LIX1: variants seen among roughly 807,000 people sequenced by gnomAD.
LIX1 encodes protein limb expression 1 homolog.
In LIX1, 24 loss-of-function variants were observed where a neutral mutation model predicts 33.4. The ratio of observed to expected loss-of-function variants is 0.72; its 90% CI spans 0.52 to 1.01. LIX1 has a LOEUF of 1.01. LIX1 is among the 50% of genes least tolerant of loss of function. The probability of loss-of-function intolerance (pLI) is 0.00; values close to 1 mark genes in which losing one functional copy is unlikely to be tolerated. For missense variants in LIX1, 311 were observed against 339.2 expected, an observed-to-expected ratio of 0.92 and a Z score of 0.65; for synonymous variants, 124 against 124.0, an observed-to-expected ratio of 1.00 and a Z score of 0.00.
chr5:97,118,104 C>A (rs1331883269), intron 2 of LIX1, among the ~76,000 whole-genome samples: 2 of 152,110 alleles, frequency 1.3e-5, no homozygotes, highest in African/African-American at 4.8e-5. Context: ...TATAATGCCC[C>A]GATGAGTGAG....
At chr5:97,098,722 CA>C (rs1746520948) in intron 4 of LIX1, among the ~76,000 whole-genome samples, 1 of 151,982 alleles carries the variant, frequency 6.6e-6, no homozygotes, top group Admixed American at 6.6e-5. Context: ...TCTCTTAAAA[CA>C]AAACAAAAAA....
chr5:97,094,341 T>C lies in LIX1; in HGVS notation c.*407A>G, dbSNP rs1746230016. The C allele has an allele frequency of 1.2e-5, 2 of 168,656 alleles. No homozygotes were observed. The highest frequency in any genetic ancestry group is 5.6e-5 in the Admixed American group (1 of 17,772). 10.4% of individuals were successfully genotyped at this position (168,656 alleles called of 1,614,324 possible). A position where few individuals can be genotyped will look rare whatever the true frequency, so the allele number is the denominator to read the frequency against. ...ATTATTTATTTAATCCTAAGTATTT[T>C]TAAACACTGCTATCATGCTACTTCA... On this transcript the variant is annotated 3_prime_UTR_variant, in exon 6 of 6. Coordinates refer to ENST00000274382, the MANE Select transcript of LIX1 (RefSeq NM_153234.5).
Position 97,124,617 on chromosome 5 carries a change from G to A in LIX1, c.95C>T (p.Ser32Leu). Reference sequence around the variant, plus strand: ...GCTTTCCCAAAATTCCTGTAACATTGACACAACGTTCACTGAAAAAGACAA... The same window carrying A: ...GCTTTCCCAAAATTCCTGTAACATTAACACAACGTTCACTGAAAAAGACAA... ...ALVFKDLNVV[S>L]MLQEFWESKQ... Residue 32 changes from serine to leucine, a missense_variant, in exon 2 of 6, where the codon TCA becomes TTA. Coordinates refer to ENST00000274382, the MANE Select transcript of LIX1 (RefSeq NM_153234.5). 3 of 1,610,182 alleles carry A rather than the reference G, an allele frequency of 1.9e-6. No homozygotes were observed. Among genetic ancestry groups the A allele is most frequent in the Non-Finnish European group, 2.5e-6 (3 of 1,177,942 alleles).
chr5:97,103,090 C>T (rs1325344209), intron 4 of LIX1: 3 of 451,724 alleles, frequency 6.6e-6, no homozygotes, highest in East Asian at 7.0e-5. Flanking sequence ...AGACTTCACA[C>T]ATAGGTCTGT....
chr5:97,104,907 G>A (rs1746931342), intron 4 of LIX1, among the ~76,000 whole-genome samples: 1 of 152,172 alleles, frequency 6.6e-6, no homozygotes, highest in Non-Finnish European at 1.5e-5. Context: ...GCTTTGTACT[G>A]AAAAGCTGGT....
At chr5:97,096,775 A>G (rs1409768982) in intron 5 of LIX1, 35 bp downstream of exon 5, 3 of 1,485,050 alleles carry the variant, frequency 2.0e-6, no homozygotes, top group African/African-American at 2.8e-5. Context: ...CTGAGTTCAT[A>G]TAACACAGAC....
intron 1 of LIX1, among the ~76,000 whole-genome samples, chr5:97,127,735 A>G (rs1027971532): frequency 2.6e-5 from 4 of 152,246 alleles, no homozygotes; most frequent in South Asian, 4.1e-4. Context: ...GTAGGCGTCA[A>G]TCAATACATA....
intron 2 of LIX1, among the ~76,000 whole-genome samples, chr5:97,121,018 G>A (rs901248880): frequency 2.6e-5 from 4 of 151,760 alleles, no homozygotes; most frequent in Admixed American, 6.6e-5. Context: ...TTCCTTAATC[G>A]GAAATGCCAA....
chr5:97,094,640 C>G lies in LIX1; in HGVS notation c.*108G>C. 9.9e-7 allele frequency: 1 copy of G among 1,011,920 alleles called. No individual in the cohort carries two copies. Among genetic ancestry groups the G allele is most frequent in the Non-Finnish European group, 1.5e-6 (1 of 684,266 alleles). 62.7% of individuals were successfully genotyped at this position (1,011,920 alleles called of 1,614,324 possible). ...GAATGTGTGGAGAGGGTTAGGAGAG[C>G]CTTCAGGTAGTACTAGAGATGCTGG... is the stretch of plus-strand genomic sequence containing the variant. On this transcript the variant is annotated 3_prime_UTR_variant, in exon 6 of 6. Coordinates refer to ENST00000274382, the MANE Select transcript of LIX1 (RefSeq NM_153234.5).
chr5:97,097,348 GA>G (rs1343901852), intron 4 of LIX1, among the ~76,000 whole-genome samples: 1 of 152,038 alleles, frequency 6.6e-6, no homozygotes, highest in Non-Finnish European at 1.5e-5. Context: ...CAATCATAAA[GA>G]AAGGATGAGA....
In LIX1 at chr5:97,107,450, C is replaced by T; in HGVS notation, c.297G>A (p.Leu99=). The T allele has an allele frequency of 6.2e-7, 1 of 1,613,598 alleles. No homozygotes were observed. The change falls in exon 3 of 6, where the codon CTG becomes CTA. Residue 99 remains leucine (L), a synonymous_variant. Coordinates refer to ENST00000274382, the MANE Select transcript of LIX1 (RefSeq NM_153234.5). ...EARRDAAKVA[L]INSLFNELPS... ...GCAGCTCATTGAAGAGGGAGTTGAT[C>T]AGGGCCACTTTAGCTGCATCCCGCC...
intron 1 of LIX1, among the ~76,000 whole-genome samples, chr5:97,126,628 A>G (rs1242464850): frequency 7.1e-6 from 1 of 140,208 alleles, no homozygotes; most frequent in African/African-American, 2.6e-5. Flanking sequence ...TTGAAATAAT[A>G]TTTTCTTTCT....
chr5:97,141,741 A>G (rs1748294505), intron 1 of LIX1, among the ~76,000 whole-genome samples: 1 of 152,236 alleles, frequency 6.6e-6, no homozygotes, highest in Non-Finnish European at 1.5e-5. Flanking sequence ...TGTAGATAAG[A>G]TACAACATGA....
intron 2 of LIX1, among the ~76,000 whole-genome samples, chr5:97,119,319 A>G (rs962075234): frequency 5.9e-5 from 9 of 152,248 alleles, no homozygotes; most frequent in Non-Finnish European, 1.3e-4. Context: ...TGTGAAAGGC[A>G]TTGCAGGAAT....
chr5:97,102,486 G>T (rs1027355121), intron 4 of LIX1, among the ~76,000 whole-genome samples: 1 of 152,128 alleles, frequency 6.6e-6, no homozygotes, highest in Admixed American at 6.5e-5. Context: ...TCCCTACTAG[G>T]GAAGGGAGTT....
At chr5:97,124,852 A>T (rs749413794) in intron 1 of LIX1, among the ~76,000 whole-genome samples, 25 of 152,186 alleles carry the variant, frequency 1.6e-4, no homozygotes, top group Non-Finnish European at 2.6e-4. Context: ...TGTTATTTAC[A>T]AATGCAAATG....
In LIX1 at chr5:97,105,248, A is replaced by AC. The variant is rs1260603886; in HGVS notation, c.424dup (p.Val142GlyfsTer40). 1 of 1,613,974 alleles carries AC rather than the reference A, an allele frequency of 6.2e-7. No homozygotes were observed. The highest frequency in any genetic ancestry group is 1.3e-5 in the African/African-American group (1 of 74,902). ...CTCCAGCATGTAGTGATAGGCCCCA[A>AC]CACTGGTGCTGGGGTCATCTGCATC... is the stretch of plus-strand genomic sequence containing the variant. On this transcript the variant is annotated frameshift_variant, in exon 4 of 6. Coordinates refer to ENST00000274382, the MANE Select transcript of LIX1 (RefSeq NM_153234.5). LOFTEE classifies it high-confidence loss of function.
intron 1 of LIX1, among the ~76,000 whole-genome samples, chr5:97,133,068 A>G (rs1375217150): frequency 6.6e-6 from 1 of 152,182 alleles, no homozygotes; most frequent in Non-Finnish European, 1.5e-5. Flanking sequence ...TATATGATCT[A>G]TGTTTTCATA....
intron 4 of LIX1, among the ~76,000 whole-genome samples, chr5:97,104,737 G>A (rs889458971): frequency 3.9e-5 from 6 of 152,180 alleles, no homozygotes; most frequent in Admixed American, 2.0e-4. Context: ...TTTCATTGAT[G>A]ATAGGAAGTG....
Sources: gnomAD v4.1 joint callset for allele counts (sites outside exome capture counted in the v4.1 genomes callset) on GRCh38, gnomAD v4.1.1 for gene constraint, MANE v1.5 for transcripts, NCBI Gene and HGNC (gene_info 2026-07-23, HGNC 2026-07-21) for gene names.